Variants in CSMD1 observed in about 807,000 individuals in gnomAD.
CSMD1 encodes the protein CUB and sushi domain-containing protein 1.
Under a neutral mutation model 417.5 loss-of-function variants are expected in CSMD1, and 213 were observed. The observed-to-expected ratio is 0.51, with a 90% CI of 0.46 to 0.57. CSMD1 has a LOEUF of 0.57. CSMD1 is among the 20% of genes least tolerant of loss of function. The probability of loss-of-function intolerance (pLI) is 0.00; values close to 1 mark genes in which losing one functional copy is unlikely to be tolerated. For missense variants in CSMD1, 6,923 were observed against 4,529.7 expected, an observed-to-expected ratio of 1.53 and a Z score of -15.17; for synonymous variants, 2,862 against 1,736.8, an observed-to-expected ratio of 1.65 and a Z score of -16.11.
At chr8:4,086,373 C>G (rs185596079) in intron 3 of CSMD1, among the ~76,000 whole-genome samples, 47 of 152,224 alleles carry the variant, frequency 3.1e-4, no homozygotes, top group South Asian at 4.2e-4. Context: ...AATTTGAAAG[C>G]AAAACAAAAT....
chr8:3,255,242 G>A (rs978781740), intron 26 of CSMD1, among the ~76,000 whole-genome samples: 2 of 152,012 alleles, frequency 1.3e-5, no homozygotes, highest in Non-Finnish European at 2.9e-5. Flanking sequence ...TTTTTCTCAG[G>A]GGTGTACCCA....
chr8:3,197,111 C>T (rs17079607), intron 33 of CSMD1, among the ~76,000 whole-genome samples: 3 of 152,210 alleles, frequency 2.0e-5, no homozygotes, highest in Admixed American at 1.3e-4. Flanking sequence ...TCTAGACTTA[C>T]ATTGCTTCAG....
intron 5 of CSMD1, among the ~76,000 whole-genome samples, chr8:3,934,935 G>T (rs776400703): frequency 6.6e-6 from 1 of 152,066 alleles, no homozygotes; most frequent in Non-Finnish European, 1.5e-5. Context: ...GGAGTAGAGG[G>T]CATATAAAAG....
intron 1 of CSMD1, among the ~76,000 whole-genome samples, chr8:4,740,769 C>T (rs1810552054): frequency 6.6e-6 from 1 of 152,070 alleles, no homozygotes; most frequent in African/African-American, 2.4e-5. Flanking sequence ...AATGTTCTAC[C>T]TCTTCTCTTA....
chr8:4,499,648 G>A (rs145842650), intron 2 of CSMD1, among the ~76,000 whole-genome samples: 8 of 152,352 alleles, frequency 5.3e-5, no homozygotes, highest in East Asian at 1.9e-4. Context: ...TCGCCCCTGC[G>A]AGTAGGTATG....
chr8:4,405,409 A>G (rs913507091), intron 3 of CSMD1, among the ~76,000 whole-genome samples: 3 of 152,092 alleles, frequency 2.0e-5, no homozygotes, highest in African/African-American at 7.2e-5. Context: ...AACATAAGCG[A>G]GTTTCTTAAC....
chr8:4,989,341 G>C (rs1811346894), intron 1 of CSMD1, among the ~76,000 whole-genome samples: 1 of 152,020 alleles, frequency 6.6e-6, no homozygotes, highest in African/African-American at 2.4e-5. Context: ...AGATTGGTTG[G>C]ACTTGTTTAC....
At chr8:4,232,117 A>T (rs1198752579) in intron 3 of CSMD1, among the ~76,000 whole-genome samples, 4 of 152,214 alleles carry the variant, frequency 2.6e-5, no homozygotes. Flanking sequence ...GATACTTTCA[A>T]GATTTTCACT....
intron 3 of CSMD1, among the ~76,000 whole-genome samples, chr8:4,130,958 T>C (rs952504340): frequency 6.6e-6 from 1 of 152,084 alleles, no homozygotes; most frequent in Non-Finnish European, 1.5e-5. Context: ...ATCTATAAAA[T>C]AGAAAACATT....
intron 3 of CSMD1, among the ~76,000 whole-genome samples, chr8:4,312,014 A>C (rs1426519680): frequency 6.6e-6 from 1 of 152,200 alleles, no homozygotes; most frequent in East Asian, 1.9e-4. Flanking sequence ...ATGCATTGCT[A>C]TGAAATTATT....
intron 56 of CSMD1, 140 bp from the exon 57 acceptor site, chr8:2,973,439 G>T (rs1434427864): frequency 3.6e-6 from 3 of 830,570 alleles, no homozygotes; most frequent in East Asian, 2.5e-5. Flanking sequence ...CTGCAATCTT[G>T]TAAGAAAGAA....
intron 46 of CSMD1, among the ~76,000 whole-genome samples, chr8:3,106,057 A>T (rs1174988787): frequency 2.0e-5 from 3 of 152,156 alleles, no homozygotes; most frequent in African/African-American, 7.2e-5. Flanking sequence ...TATTTCTGTT[A>T]GCATGTTAGT....
chr8:3,932,884 T>C (rs1198288272), intron 5 of CSMD1, among the ~76,000 whole-genome samples: 5 of 150,500 alleles, frequency 3.3e-5, no homozygotes, highest in African/African-American at 1.2e-4. Flanking sequence ...TGTTTTTGAA[T>C]TTTCTATTCC....
intron 3 of CSMD1, among the ~76,000 whole-genome samples, chr8:4,316,239 T>C (rs1798923099): frequency 6.6e-6 from 1 of 152,134 alleles, no homozygotes; most frequent in African/African-American, 2.4e-5. Flanking sequence ...TGGTCTTCCA[T>C]TTGTAGTGAT....
At chr8:3,413,372 G>A (rs1156380051) in intron 12 of CSMD1, among the ~76,000 whole-genome samples, 8 of 152,158 alleles carry the variant, frequency 5.3e-5, no homozygotes, top group African/African-American at 1.9e-4. Context: ...GATCAAGAGA[G>A]ACCTGTGGTT....
chr8:3,831,818 C>G (rs1585060371), intron 5 of CSMD1, among the ~76,000 whole-genome samples: 2 of 152,120 alleles, frequency 1.3e-5, no homozygotes, highest in South Asian at 4.1e-4. Flanking sequence ...TGCTGCCCAT[C>G]ATAATCTGGA....
intron 1 of CSMD1, among the ~76,000 whole-genome samples, chr8:4,900,636 C>G (rs985891060): frequency 1.3e-5 from 2 of 152,154 alleles, no homozygotes; most frequent in Non-Finnish European, 1.5e-5. Flanking sequence ...GGCTGTTCAT[C>G]CAGCTCCTGT....
intron 1 of CSMD1, among the ~76,000 whole-genome samples, chr8:4,727,500 A>G (rs997940504): frequency 2.6e-5 from 4 of 152,210 alleles, no homozygotes; most frequent in Non-Finnish European, 4.4e-5. Flanking sequence ...GGCACTTTCA[A>G]AAAGCAAGTG....
At chr8:3,230,535 C>T (rs1197884250) in intron 26 of CSMD1, among the ~76,000 whole-genome samples, 3 of 152,078 alleles carry the variant, frequency 2.0e-5, no homozygotes, top group Non-Finnish European at 4.4e-5. Context: ...TACATACACA[C>T]AGACTGATTT....
Sources: allele counts gnomAD v4.1 joint callset (sites outside exome capture counted in the v4.1 genomes callset), GRCh38; gene constraint gnomAD v4.1.1; transcripts MANE v1.5; gene names NCBI Gene and HGNC (gene_info 2026-07-23, HGNC 2026-07-21).